PDE6B: variants seen among roughly 807,000 people sequenced by gnomAD.
The protein encoded by PDE6B is rod cGMP-specific 3',5'-cyclic phosphodiesterase subunit beta.
Under a neutral mutation model 109.0 loss-of-function variants are expected in PDE6B, and 106 were observed. That is an observed-to-expected ratio of 0.97 (90% CI 0.83 to 1.14). The LOEUF is 1.14. Ranked by LOEUF, PDE6B falls within the 50% of genes most tolerant of loss-of-function variation. The pLI, the probability that PDE6B is intolerant of heterozygous loss-of-function variation, is 0.00. For synonymous variants in PDE6B, 490 were observed against 471.3 expected (o/e 1.04, Z -0.51); for missense variants, 1,193 against 1,155.6 (o/e 1.03, Z -0.47).
chr4:656,767 G>T, intron 8 of PDE6B, 107 bp from the exon 9 acceptor site: 1 of 1,004,678 alleles, frequency 1.0e-6, no homozygotes. Context: ...CACGAGCCCA[G>T]CCGTCACGGC....
intron 3 of PDE6B, among the ~76,000 whole-genome samples, chr4:646,376 C>T (rs10010598): frequency 0.024 from 3,650 of 151,992 alleles, 189 homozygotes; most frequent in African/African-American, 0.085. Context: ...TGTTCCCCCA[C>T]CCCCAGCTTC....
Position 670,204 on chromosome 4 carries a change from C to T in PDE6B, c.*97C>T. The T allele has an allele frequency of 6.4e-7, 1 of 1,555,718 alleles. No individual in the cohort carries two copies. The highest frequency in any genetic ancestry group is 8.8e-7 in the Non-Finnish European group (1 of 1,133,822). On this transcript the variant is annotated 3_prime_UTR_variant, in exon 22 of 22. Coordinates refer to ENST00000496514, the MANE Select transcript of PDE6B (RefSeq NM_000283.4). ...ATTTGCTACAAGAGGTTAGGAAGCC[C>T]AAGAAAATGACTGAAGATCATTCTG...
intron 10 of PDE6B, 36 bp downstream of exon 10, chr4:657,530 G>A: frequency 6.8e-7 from 1 of 1,461,018 alleles, no homozygotes; most frequent in East Asian, 2.2e-5. Context: ...GTCACCCAGG[G>A]GTCACGGCTG....
chr4:657,762 T>TGACC (rs1736489515), intron 10 of PDE6B, among the ~76,000 whole-genome samples: 1 of 127,422 alleles, frequency 7.8e-6, no homozygotes, highest in Non-Finnish European at 1.6e-5. Context: ...CACCCAGGGG[T>TGACC]CATGGCTGTG....
chr4:653,273 G>T, intron 3 of PDE6B: 1 of 1,027,220 alleles, frequency 9.7e-7, no homozygotes, highest in African/African-American at 1.7e-5. Flanking sequence ...CTGGGTCTGG[G>T]CCTTGACCAA....
At position 636,920 on chromosome 4, in the gene PDE6B, C is replaced by T. The variant is rs1314879936; in HGVS notation, c.711+951C>T. On this transcript the variant is annotated intron_variant, in intron 3 of 21. Coordinates refer to ENST00000496514, the MANE Select transcript of PDE6B (RefSeq NM_000283.4). This position sits in a 1 kb window ranked among gnomAD's most constrained non-coding sequence, Gnocchi z 4.5. ...AACCCCCCGGAGGGAAGTCTCAGCCCCAATCCAAGCAGGCCTCTCACGGCC... is the reference window on the plus strand; with the variant it reads ...AACCCCCCGGAGGGAAGTCTCAGCCTCAATCCAAGCAGGCCTCTCACGGCC... 6.6e-6 allele frequency among the ~76,000 whole-genome samples: 1 copy of T among 152,358 alleles called. No individual in the cohort carries two copies. The highest frequency in any genetic ancestry group is 2.1e-4 in the South Asian group (1 of 4,830).
chr4:664,087 T>C (rs536111136), intron 16 of PDE6B, 27 bp from the exon 17 acceptor site: 1 of 1,484,836 alleles, frequency 6.7e-7, no homozygotes, highest in Non-Finnish European at 9.4e-7. Context: ...TGCTCCCACC[T>C]GCACCTCCCT....
intron 11 of PDE6B, 59 bp downstream of exon 11, chr4:659,076 A>G (rs1032561531): frequency 7.9e-7 from 1 of 1,266,722 alleles, no homozygotes; most frequent in African/African-American, 1.5e-5. Context: ...GCTGGGAGGA[A>G]GAGTTCTGCA....
chr4:651,339 G>A (rs1735532798), intron 3 of PDE6B, among the ~76,000 whole-genome samples: 1 of 152,130 alleles, frequency 6.6e-6, no homozygotes, highest in African/African-American at 2.4e-5. Context: ...GGGAGTGGGG[G>A]CCCCAGGGGT....
At chr4:653,554 G>A (rs1735793213) in intron 3 of PDE6B, 7 of 529,176 alleles carry the variant, frequency 1.3e-5, no homozygotes, top group Non-Finnish European at 2.4e-5. Flanking sequence ...CTGGTCGGAT[G>A]TTTGCCTGTC....
chr4:665,194 G>A lies in PDE6B; in HGVS notation c.2194-61G>A. On this transcript the variant is annotated intron_variant, in intron 18 of 21. Transcript: ENST00000496514. The surrounding 1 kb of genome is among the most constrained non-coding windows in gnomAD (Gnocchi z 4.0). ...CCGAGGCTCGGAGCCTCACGGGGCG[G>A]GCCCGGGCCCTTCCGCGTGGGCTCA... The A allele has an allele frequency of 3.1e-6, 4 of 1,277,744 alleles. No homozygotes were observed. The highest frequency in any genetic ancestry group is 4.5e-6 in the Non-Finnish European group (4 of 887,250). The allele number at this position is 1,277,744 out of a possible 1,614,324, so 79.2% of individuals were successfully genotyped here.
intron 3 of PDE6B, among the ~76,000 whole-genome samples, chr4:642,475 GA>G (rs368570171): frequency 1.3e-5 from 2 of 149,140 alleles, no homozygotes; most frequent in Middle Eastern, 3.5e-3. Context: ...AACTCCGTCT[GA>G]AAAAAAACAA....
chr4:637,503 G>T (rs746569714), intron 3 of PDE6B, among the ~76,000 whole-genome samples: 1 of 152,192 alleles, frequency 6.6e-6, no homozygotes, highest in African/African-American at 2.4e-5. Context: ...TTACTGGTTT[G>T]AGGCACCGCA....
intron 3 of PDE6B, among the ~76,000 whole-genome samples, chr4:637,601 G>A (rs1734752238): frequency 6.6e-6 from 1 of 152,218 alleles, no homozygotes; most frequent in South Asian, 2.1e-4. Flanking sequence ...TCTCCAGGGA[G>A]CCTGGTTCCT....
chr4:669,403 C>A (rs2109293052), intron 21 of PDE6B, among the ~76,000 whole-genome samples: 1 of 134,714 alleles, frequency 7.4e-6, no homozygotes, highest in South Asian at 2.3e-4. Context: ...TCCCCCTACC[C>A]CATGCTATTC....
intron 10 of PDE6B, among the ~76,000 whole-genome samples, 173 bp from the exon 11 acceptor site, chr4:658,779 A>G (rs1736677823): frequency 6.6e-6 from 1 of 152,174 alleles, no homozygotes; most frequent in East Asian, 1.9e-4. Context: ...GAAAGTCAGC[A>G]GGCCATGCAC....
At chr4:637,732 C>T (rs1030246223) in intron 3 of PDE6B, among the ~76,000 whole-genome samples, 6 of 152,246 alleles carry the variant, frequency 3.9e-5, no homozygotes, top group East Asian at 1.9e-4. Flanking sequence ...TGCCAGCCCT[C>T]GCTCGTCCCC....
In PDE6B at chr4:653,943, T is replaced by C. The variant is rs777857198; in HGVS notation, c.803T>C (p.Leu268Pro). 2 of 1,613,812 alleles carry C rather than the reference T, an allele frequency of 1.2e-6. No individual in the cohort carries two copies. Among genetic ancestry groups the C allele is most frequent in the Admixed American group, 3.3e-5 (2 of 60,026 alleles). The change falls in exon 4 of 22, where the codon CTC (leucine) becomes CCC (proline). Residue 268 changes from leucine to proline, a missense_variant. By Grantham distance (98) the Leu-to-Pro change is moderately conservative. Coordinates refer to ENST00000496514, the MANE Select transcript of PDE6B (RefSeq NM_000283.4). ...HKAFYTVRAY[L>P]NCERYSVGLL... ...GCCTTCTACACGGTGCGGGCCTACC[T>C]CAACTGCGAGCGGTACTCCGTGGGC...
At chr4:637,556 G>A (rs978197273) in intron 3 of PDE6B, among the ~76,000 whole-genome samples, 1 of 152,186 alleles carries the variant, frequency 6.6e-6, no homozygotes, top group Non-Finnish European at 1.5e-5. Flanking sequence ...CTGTCTCATT[G>A]TGTATTTCCT....
Sources: allele counts gnomAD v4.1 joint callset (sites outside exome capture counted in the v4.1 genomes callset), GRCh38; gene constraint gnomAD v4.1.1; non-coding constraint Gnocchi (gnomAD v3.1); transcripts MANE v1.5; gene names NCBI Gene and HGNC (gene_info 2026-07-23, HGNC 2026-07-21).